The following ITPRID1 variants were observed in gnomAD, a reference collection of about 807,000 sequenced individuals.
The protein encoded by ITPRID1 is ITPR interacting domain containing 1.
ITPRID1 carries 96 observed loss-of-function variants against 95.4 expected under a neutral mutation model. The ratio of observed to expected loss-of-function variants is 1.01; its 90% CI spans 0.85 to 1.19. The LOEUF (loss-of-function observed/expected upper bound fraction) is 1.19. ITPRID1 is among the 50% of genes most tolerant of loss of function. The pLI, the probability that ITPRID1 is intolerant of heterozygous loss-of-function variation, is 0.00. For synonymous variants in ITPRID1, 510 were observed against 453.6 expected, an observed-to-expected ratio of 1.12 and a Z score of -1.58; for missense variants, 1,339 against 1,252.9, an observed-to-expected ratio of 1.07 and a Z score of -1.04.
chr7:31,533,832 T>G (rs1783676484), intron 1 of ITPRID1, among the ~76,000 whole-genome samples: 1 of 152,206 alleles, frequency 6.6e-6, no homozygotes, highest in Non-Finnish European at 1.5e-5. Flanking sequence ...AATTTTCATC[T>G]TTTTAAATTT....
chr7:31,630,917 A>G (rs6462290), intron 10 of ITPRID1, among the ~76,000 whole-genome samples: 88,981 of 151,952 alleles, frequency 0.59, 26,554 homozygotes, highest in East Asian at 0.83. Flanking sequence ...AAATGTATGA[A>G]ATAAGACCAA....
intron 5 of ITPRID1, among the ~76,000 whole-genome samples, chr7:31,558,880 A>G (rs1262420023): frequency 1.3e-5 from 2 of 152,196 alleles, no homozygotes; most frequent in Admixed American, 1.3e-4. Context: ...AATGCTCTCT[A>G]AATTTAAGGT....
At chr7:31,657,497 G>T (rs10487730), downstream of ITPRID1, among the ~76,000 whole-genome samples, 1 of 151,984 alleles carries the variant, frequency 6.6e-6, no homozygotes, top group African/African-American at 2.4e-5. Flanking sequence ...GTTCTGAGTC[G>T]CTTTCATACA....
intron 3 of ITPRID1, among the ~76,000 whole-genome samples, chr7:31,553,752 T>G (rs1784361702): frequency 6.6e-6 from 1 of 152,192 alleles, no homozygotes; most frequent in Non-Finnish European, 1.5e-5. Flanking sequence ...ACCTGACACC[T>G]TGTGAGGGAG....
At chr7:31,597,439 G>A in intron 10 of ITPRID1, among the ~76,000 whole-genome samples, 1 of 150,756 alleles carries the variant, frequency 6.6e-6, no homozygotes, top group Admixed American at 6.6e-5. Context: ...GCAAAATGCA[G>A]AAATCAGTCT....
chr7:31,619,624 G>A (rs1341096764), intron 10 of ITPRID1, among the ~76,000 whole-genome samples: 1 of 152,002 alleles, frequency 6.6e-6, no homozygotes, highest in Non-Finnish European at 1.5e-5. Context: ...GAAGGGGGAG[G>A]AGCCAAGATG....
chr7:31,629,016 C>A (rs925429705), intron 10 of ITPRID1, among the ~76,000 whole-genome samples: 2 of 151,926 alleles, frequency 1.3e-5, no homozygotes, highest in African/African-American at 4.8e-5. Flanking sequence ...ATTAAAGTCT[C>A]CAAAAAAATT....
intron 1 of ITPRID1, among the ~76,000 whole-genome samples, chr7:31,530,929 GCCT>G (rs1783577413): frequency 6.6e-6 from 1 of 152,170 alleles, no homozygotes; most frequent in Non-Finnish European, 1.5e-5. Context: ...TGCCTGATTA[GCCT>G]TGCTCAGAAC....
chr7:31,605,077 G>A (rs1786556655), intron 10 of ITPRID1, among the ~76,000 whole-genome samples: 1 of 151,950 alleles, frequency 6.6e-6, no homozygotes. Flanking sequence ...GGTGGAGGTT[G>A]CAGTAAACCG....
intron 13 of ITPRID1, among the ~76,000 whole-genome samples, chr7:31,651,513 G>A (rs1188215947): frequency 6.6e-6 from 1 of 152,142 alleles, no homozygotes; most frequent in Non-Finnish European, 1.5e-5. Flanking sequence ...TTGACAGCAG[G>A]ATGTCTTTAA....
rs1456726589 is a variant in ITPRID1 at position 31,655,300 on chromosome 7, C to T, written c.*2471C>T. On this transcript the variant is annotated 3_prime_UTR_variant, in exon 15 of 15. Coordinates refer to ENST00000615280, the MANE Select transcript of ITPRID1 (RefSeq NM_001257967.3). ...GTCTCCTGCCCCTCTACCCTGCCCC[C>T]TCAGTCAGTCAATGACCACACCAAT... 2.0e-5 allele frequency among the ~76,000 whole-genome samples: 3 copies of T among 152,176 alleles called. No homozygotes were observed. The highest frequency in any genetic ancestry group is 6.5e-5 in the Admixed American group (1 of 15,278).
chr7:31,616,952 T>C (rs1182423080), intron 10 of ITPRID1, among the ~76,000 whole-genome samples: 1 of 152,192 alleles, frequency 6.6e-6, no homozygotes, highest in African/African-American at 2.4e-5. Context: ...TATTCCAATC[T>C]AGATAATTAT....
intron 12 of ITPRID1, among the ~76,000 whole-genome samples, chr7:31,645,343 T>C (rs1790374004): frequency 6.6e-6 from 1 of 152,216 alleles, no homozygotes; most frequent in African/African-American, 2.4e-5. Flanking sequence ...AAAGTTTAAA[T>C]AATTTATCAG....
At chr7:31,658,603 G>A (rs1335548665), downstream of ITPRID1, 4 of 306,456 alleles carry the variant, frequency 1.3e-5, no homozygotes, top group Non-Finnish European at 2.3e-5. Context: ...GAGAATTGTA[G>A]GTTATTAAAA....
At chr7:31,552,898 T>C in intron 2 of ITPRID1, 104 bp from the exon 3 acceptor site, 1 of 1,157,256 alleles carries the variant, frequency 8.6e-7, no homozygotes, top group South Asian at 1.6e-5. Context: ...AGCTGGATCA[T>C]TCATCTGACT....
intron 1 of ITPRID1, among the ~76,000 whole-genome samples, chr7:31,522,701 T>G (rs1325271476): frequency 6.6e-6 from 1 of 152,192 alleles, no homozygotes; most frequent in Non-Finnish European, 1.5e-5. Context: ...TGCTAGGCAT[T>G]AGACAGAAAT....
At chr7:31,602,154 T>A (rs529800238) in intron 10 of ITPRID1, among the ~76,000 whole-genome samples, 3 of 152,310 alleles carry the variant, frequency 2.0e-5, no homozygotes, top group African/African-American at 7.2e-5. Context: ...GCCTTGTTTT[T>A]AAAATATTAC....
At chr7:31,608,795 G>C (rs1786736367) in intron 10 of ITPRID1, among the ~76,000 whole-genome samples, 1 of 151,564 alleles carries the variant, frequency 6.6e-6, no homozygotes, top group Non-Finnish European at 1.5e-5. Context: ...TCTGCAAGTA[G>C]AGATAGTTTT....
chr7:31,639,549 T>TG lies in ITPRID1; in HGVS notation c.1229-2627_1229-2626insG, dbSNP rs1562644505. 2.7e-4 allele frequency among the ~76,000 whole-genome samples: 41 copies of TG among 150,138 alleles called. 1 individual carries two copies. The highest frequency in any genetic ancestry group is 9.3e-4 in the African/African-American group (38 of 40,960). On this transcript the variant is annotated intron_variant, in intron 10 of 14. Transcript: ENST00000615280. ...GTTTGTTTGTTTTTGTTTTTTTTTT[T>TG]TTTTTGAGATGGAGTCTCACTCTGT...
Sources: allele counts gnomAD v4.1 joint callset (sites outside exome capture counted in the v4.1 genomes callset), GRCh38; gene constraint gnomAD v4.1.1; transcripts MANE v1.5; gene names NCBI Gene and HGNC (gene_info 2026-07-23, HGNC 2026-07-21).